Variants in GEMIN2 observed in about 807,000 individuals in gnomAD.
GEMIN2 encodes the protein gem nuclear organelle associated protein 2, also known as gem-associated protein 2.
In GEMIN2, 37 loss-of-function variants were observed where a neutral mutation model predicts 45.8. The observed-to-expected ratio is 0.81, with a 90% CI of 0.62 to 1.06. The LOEUF is 1.06. GEMIN2 is among the 50% of genes least tolerant of loss of function. The pLI is 0.00. For synonymous variants in GEMIN2, 101 were observed against 111.5 expected, an observed-to-expected ratio of 0.91 and a Z score of 0.60; for missense variants, 335 against 321.8, an observed-to-expected ratio of 1.04 and a Z score of -0.31.
intron 2 of GEMIN2, among the ~76,000 whole-genome samples, chr14:39,117,349 CTTATTT>C (rs1426577955): frequency 6.6e-6 from 1 of 151,320 alleles, no homozygotes; most frequent in Non-Finnish European, 1.5e-5. Flanking sequence ...TACCAAAGTT[CTTATTT>C]TTAATTTTAT....
At chr14:39,125,398 T>G (rs764462563) in intron 6 of GEMIN2, among the ~76,000 whole-genome samples, 7 of 152,160 alleles carry the variant, frequency 4.6e-5, no homozygotes, top group Non-Finnish European at 8.8e-5. Flanking sequence ...ATTCTGGGGT[T>G]TGAATTAAAT....
chr14:39,132,975 GGTGTGTGTGT>G (rs67749459), intron 8 of GEMIN2, among the ~76,000 whole-genome samples: 4 of 140,260 alleles, frequency 2.9e-5, no homozygotes, highest in Non-Finnish European at 4.6e-5. Flanking sequence ...TACTGCACCT[GGTGTGTGTGT>G]GTGTGTGTGT....
Position 39,136,426 on chromosome 14 carries a change from T to G in GEMIN2, c.771-14T>G. 1.4e-6 allele frequency: 2 copies of G among 1,420,452 alleles called. No individual in the cohort carries two copies. Among genetic ancestry groups the G allele is most frequent in the East Asian group, 2.3e-5 (1 of 43,898 alleles). The allele number at this position is 1,420,452 out of a possible 1,614,324, so 88.0% of individuals were successfully genotyped here. A position where few individuals can be genotyped will look rare whatever the true frequency, so the allele number is the denominator to read the frequency against. On this transcript the variant is annotated splice_polypyrimidine_tract_variant and intron_variant, in intron 9 of 9. Transcript: ENST00000308317. Reference sequence around the variant, plus strand: ...ATATCTTTATACATAAATTTTTTGTTTTTTTTTTACTAGGTATTTTGACCA... The same window carrying G: ...ATATCTTTATACATAAATTTTTTGTGTTTTTTTTACTAGGTATTTTGACCA...
Position 39,125,038 on chromosome 14 carries a change from T to A in GEMIN2, c.531+2T>A. ...AGTATTGTTAGCAGAATGAATCAGG[T>A]AAAATTAATAATAGAGATATATGCA... is the stretch of plus-strand genomic sequence containing the variant. On this transcript the variant is annotated splice_donor_variant, in intron 6 of 9. Coordinates refer to ENST00000308317, the MANE Select transcript of GEMIN2 (RefSeq NM_003616.3). LOFTEE classifies it high-confidence loss of function. 1 of 1,363,422 alleles carries A rather than the reference T, an allele frequency of 7.3e-7. No individual in the cohort carries two copies. The highest frequency in any genetic ancestry group is 1.0e-6 in the Non-Finnish European group (1 of 955,118). The allele number at this position is 1,363,422 out of a possible 1,614,324, so 84.5% of individuals were successfully genotyped here. A position where few individuals can be genotyped will look rare whatever the true frequency, so the allele number is the denominator to read the frequency against.
In GEMIN2 at chr14:39,135,558, C is replaced by T. The variant is rs2052771418; in HGVS notation, c.771-882C>T. On this transcript the variant is annotated intron_variant, in intron 9 of 9. Transcript: ENST00000308317. ...CTGAGATCGTGCCATTGCACTCCAG[C>T]CTGGGCAACAAGAACGAAACTCCAT... is the stretch of plus-strand genomic sequence containing the variant. 3.3e-5 allele frequency among the ~76,000 whole-genome samples: 5 copies of T among 151,582 alleles called. 1 individual carries two copies. The South Asian group carries it at 1.0e-3, about 32-fold the overall frequency.
intron 8 of GEMIN2, among the ~76,000 whole-genome samples, chr14:39,133,318 AAT>A (rs770940256): frequency 4.3e-4 from 62 of 144,694 alleles, no homozygotes; most frequent in African/African-American, 5.0e-4. Context: ...AATATATATG[AAT>A]ATATATATAT....
intron 6 of GEMIN2, among the ~76,000 whole-genome samples, chr14:39,127,731 C>G (rs2052662313): frequency 6.6e-6 from 1 of 151,684 alleles, no homozygotes; most frequent in Non-Finnish European, 1.5e-5. Flanking sequence ...GGATTTAAAC[C>G]AAGGTGTTAG....
At chr14:39,118,326 C>T (rs1340812068) in intron 3 of GEMIN2, among the ~76,000 whole-genome samples, 1 of 152,058 alleles carries the variant, frequency 6.6e-6, no homozygotes, top group Non-Finnish European at 1.5e-5. Flanking sequence ...TTTTTGGTTA[C>T]ATGGATAAGT....
intron 8 of GEMIN2, among the ~76,000 whole-genome samples, chr14:39,133,096 A>G (rs1322038365): frequency 7.9e-6 from 1 of 127,346 alleles, no homozygotes; most frequent in African/African-American, 2.6e-5. Context: ...AACAGTAAGA[A>G]TCCTGTGTCT....
chr14:39,116,455 C>G (rs1354187848), intron 2 of GEMIN2, among the ~76,000 whole-genome samples: 1 of 144,540 alleles, frequency 6.9e-6, no homozygotes, highest in Non-Finnish European at 1.5e-5. Flanking sequence ...CTCGCTCTGT[C>G]GCCCAGGCTG....
intron 6 of GEMIN2, 127 bp from the exon 7 acceptor site, chr14:39,128,153 G>T: frequency 1.1e-5 from 5 of 448,250 alleles, no homozygotes; most frequent in Admixed American, 4.0e-5. Flanking sequence ...AGCTTTCTTT[G>T]AAAGTTTAAA....
chr14:39,129,203 T>C (rs929720267), intron 7 of GEMIN2, among the ~76,000 whole-genome samples: 5 of 152,166 alleles, frequency 3.3e-5, no homozygotes, highest in Non-Finnish European at 5.9e-5. Context: ...AGTATAGTAA[T>C]GTGCTATATA....
chr14:39,123,695 T>TATATAC (rs1450083332), intron 5 of GEMIN2, among the ~76,000 whole-genome samples: 1 of 43,900 alleles, frequency 2.3e-5, no homozygotes, highest in Non-Finnish European at 5.3e-5. Flanking sequence ...GCTATATATA[T>TATATAC]ATATATATAT....
At chr14:39,118,280 T>C (rs577778572) in intron 3 of GEMIN2, among the ~76,000 whole-genome samples, 192 bp downstream of exon 3, 1 of 152,354 alleles carries the variant, frequency 6.6e-6, no homozygotes, top group Non-Finnish European at 1.5e-5. Flanking sequence ...TTTATTTGTT[T>C]GTTTATTTAT....
rs2052784503 is a variant in GEMIN2 at position 39,136,545 on chromosome 14, T to A, written c.*66T>A. 1.2e-5 allele frequency: 16 copies of A among 1,285,806 alleles called. No individual in the cohort carries two copies. Among genetic ancestry groups the A allele is most frequent in the Non-Finnish European group, 1.1e-6 (1 of 887,614 alleles). 79.6% of individuals were successfully genotyped at this position (1,285,806 alleles called of 1,614,324 possible). On this transcript the variant is annotated 3_prime_UTR_variant, in exon 10 of 10. Coordinates refer to ENST00000308317, the MANE Select transcript of GEMIN2 (RefSeq NM_003616.3). ...GGCAGCCTAACTCTGAGGAAAACAA[T>A]GCCAATTCAAGTACAGATTTCAACA...
intron 7 of GEMIN2, among the ~76,000 whole-genome samples, chr14:39,130,559 T>G (rs1035569967): frequency 6.6e-6 from 1 of 152,114 alleles, no homozygotes; most frequent in Non-Finnish European, 1.5e-5. Flanking sequence ...TATTAAATAC[T>G]CTAAACAAGA....
Position 39,133,668 on chromosome 14 carries a change from A to G in GEMIN2, c.719A>G (p.Lys240Arg). 6.7e-7 allele frequency: 1 copy of G among 1,502,932 alleles called. No homozygotes were observed. The highest frequency in any genetic ancestry group is 9.0e-7 in the Non-Finnish European group (1 of 1,109,454). 93.1% of individuals were successfully genotyped at this position (1,502,932 alleles called of 1,614,324 possible). The change falls in exon 9 of 10, where the codon AAA becomes AGA. Residue 240 changes from lysine to arginine, a missense_variant. Transcript: ENST00000308317. The stretch of plus-strand genomic sequence containing the variant: ...TTCTTTTTTTTTTTTTAGGATAGCA[A>G]AGATGATGAGAGGGTTCCTGCTTTG... ...CSEVRLLVDSKDDERVPALNL... is the reference protein window; with the variant it reads ...CSEVRLLVDSRDDERVPALNL...
In GEMIN2 at chr14:39,133,691, T is replaced by C; in HGVS notation, c.742T>C (p.Leu248=). ...CAAAGATGATGAGAGGGTTCCTGCT[T>C]TGAATTTATTAATCTGCTTGGTTAG... ...DSKDDERVPA[L]NLLICLVSRY... is the part of the protein sequence containing the mutation. Residue 248 remains leucine (L), a synonymous_variant, in exon 9 of 10, where the codon TTG becomes CTG. Transcript: ENST00000308317. The C allele has an allele frequency of 6.5e-7, 1 of 1,547,392 alleles. No individual in the cohort carries two copies. The highest frequency in any genetic ancestry group is 1.4e-5 in the African/African-American group (1 of 72,330).
At chr14:39,134,419 T>C (rs546886734) in intron 9 of GEMIN2, 1 of 152,302 alleles carries the variant, frequency 6.6e-6, no homozygotes, top group African/African-American at 2.4e-5. Flanking sequence ...AGTTTCACCA[T>C]TATTGGCCAG....
Sources: allele counts gnomAD v4.1 joint callset (sites outside exome capture counted in the v4.1 genomes callset), GRCh38; gene constraint gnomAD v4.1.1; transcripts MANE v1.5; gene names NCBI Gene and HGNC (gene_info 2026-07-23, HGNC 2026-07-21).